Variants in SND1 observed in about 807,000 individuals in gnomAD.
SND1 encodes the protein staphylococcal nuclease domain-containing protein 1.
A neutral mutation model predicts 121.7 loss-of-function variants in SND1; 38 were observed. The observed-to-expected ratio is 0.31, with a 90% CI of 0.24 to 0.41. SND1 has a LOEUF of 0.41. Ranked by LOEUF, SND1 falls within the 10% of genes least tolerant of loss-of-function variation. The probability of loss-of-function intolerance (pLI) is 1.00; values close to 1 mark genes in which losing one functional copy is unlikely to be tolerated. For synonymous variants in SND1, 401 were observed against 447.4 expected (o/e 0.90, Z 1.31); for missense variants, 868 against 1,184.6 (o/e 0.73, Z 3.92).
intron 16 of SND1, among the ~76,000 whole-genome samples, chr7:128,014,504 C>G (rs921983640): frequency 6.6e-6 from 1 of 152,210 alleles, no homozygotes; most frequent in Non-Finnish European, 1.5e-5. Flanking sequence ...ACTTGTCCCC[C>G]GAACAGTCCA....
chr7:127,861,438 C>T (rs1156476911), intron 12 of SND1, among the ~76,000 whole-genome samples: 1 of 152,074 alleles, frequency 6.6e-6, no homozygotes, highest in African/African-American at 2.4e-5. Flanking sequence ...AAGGGATGCT[C>T]TCTGCCCGTC....
At chr7:127,816,688 G>A (rs1464552016) in intron 11 of SND1, among the ~76,000 whole-genome samples, 2 of 134,124 alleles carry the variant, frequency 1.5e-5, no homozygotes, top group Non-Finnish European at 3.1e-5. Context: ...TTTTGTAACA[G>A]TGTCTCGCTC....
intron 15 of SND1, among the ~76,000 whole-genome samples, chr7:127,972,795 G>T (rs561920772): frequency 2.0e-5 from 3 of 152,124 alleles, no homozygotes; most frequent in Admixed American, 2.0e-4. Flanking sequence ...GGCCAAGCTG[G>T]TCTCGAACTC....
chr7:127,902,857 G>T lies in SND1; in HGVS notation c.1455-1890G>T, dbSNP rs553443592. On this transcript the variant is annotated intron_variant, in intron 13 of 23. Transcript: ENST00000354725. Reference sequence around the variant, plus strand: ...GCCTCCCAAGTAGCTAGGATTACAGGTGTGTGCCACCACACCTGGCTGATT... The same window carrying T: ...GCCTCCCAAGTAGCTAGGATTACAGTTGTGTGCCACCACACCTGGCTGATT... Among the ~76,000 whole-genome samples the T allele has an allele frequency of 4.0e-5, 6 of 151,846 alleles. No homozygotes were observed. The East Asian group carries it at 1.2e-3, about 29-fold the overall frequency.
intron 11 of SND1, among the ~76,000 whole-genome samples, chr7:127,820,205 C>T (rs1398394520): frequency 6.6e-6 from 1 of 152,120 alleles, no homozygotes; most frequent in Non-Finnish European, 1.5e-5. Flanking sequence ...TGTGTGGTTC[C>T]CAATGGTTTT....
intron 10 of SND1, among the ~76,000 whole-genome samples, chr7:127,787,760 T>A (rs1797838091): frequency 6.6e-6 from 1 of 152,184 alleles, no homozygotes. Flanking sequence ...AACTGTAGAT[T>A]TATTATCTTT....
intron 12 of SND1, among the ~76,000 whole-genome samples, chr7:127,844,702 T>G (rs1452819451): frequency 2.0e-5 from 3 of 152,208 alleles, no homozygotes; most frequent in Non-Finnish European, 2.9e-5. Flanking sequence ...ATAATGCCAT[T>G]TATTGAGTAT....
intron 13 of SND1, among the ~76,000 whole-genome samples, chr7:127,896,231 A>G (rs1019170749): frequency 4.0e-5 from 6 of 151,596 alleles, no homozygotes; most frequent in African/African-American, 1.2e-4. Flanking sequence ...CCACTTGTCT[A>G]TTTTCTTCCG....
intron 1 of SND1, among the ~76,000 whole-genome samples, chr7:127,678,366 C>T (rs1303409574): frequency 6.6e-6 from 1 of 152,156 alleles, no homozygotes; most frequent in Non-Finnish European, 1.5e-5. Context: ...GATTTAAACT[C>T]CGTATATGTA....
chr7:127,707,766 AGTGTGTGTGTGTGTGTGTGTGT>A (rs35627839), intron 9 of SND1, 119 bp downstream of exon 9: 11 of 408,974 alleles, frequency 2.7e-5, no homozygotes, highest in South Asian at 3.3e-5. Flanking sequence ...AGCCAGTAGG[AGTGTGTGTGTGTGTGTGTGTGT>A]GTGTGTGTGT....
intron 12 of SND1, among the ~76,000 whole-genome samples, chr7:127,852,352 G>A (rs1799180384): frequency 6.6e-6 from 1 of 150,734 alleles, no homozygotes; most frequent in Admixed American, 6.6e-5. Flanking sequence ...AAATTAGCAG[G>A]GTGTGGGCAC....
chr7:127,930,876 G>A (rs73455714), intron 15 of SND1, among the ~76,000 whole-genome samples: 2,915 of 152,242 alleles, frequency 0.019, 76 homozygotes, highest in African/African-American at 0.058. Context: ...TAGGAGGATT[G>A]TGACAACCTG....
intron 14 of SND1, among the ~76,000 whole-genome samples, chr7:127,927,775 T>C (rs369311284): frequency 1.1e-4 from 17 of 152,366 alleles, no homozygotes; most frequent in African/African-American, 4.1e-4. Context: ...CTGAAAACTC[T>C]TGAAATACTT....
chr7:127,998,035 C>A (rs776435776), intron 16 of SND1: 2 of 518,630 alleles, frequency 3.9e-6, no homozygotes, highest in Non-Finnish European at 4.0e-6. Flanking sequence ...AGCTTGTAAG[C>A]TCCTCACAGA....
chr7:127,699,105 C>G, intron 4 of SND1, 152 bp downstream of exon 4: 1 of 644,918 alleles, frequency 1.6e-6, no homozygotes, highest in East Asian at 2.8e-5. Context: ...GCTAGGAAGT[C>G]ACTCAGCATT....
intron 14 of SND1, among the ~76,000 whole-genome samples, chr7:127,907,186 GT>G (rs898726842): frequency 1.4e-4 from 21 of 152,300 alleles, no homozygotes; most frequent in African/African-American, 4.3e-4. Context: ...TAAGAGTGCA[GT>G]TTTTTTGGTG....
At position 127,944,219 on chromosome 7, in the gene SND1, G is replaced by T. The variant is rs148926782; in HGVS notation, c.1669+14890G>T. ...TGTTGCTGCTCTCTGCAGCCAGCGTGTCTCTAACCTAAGTAATGTCTACTT... is the reference window on the plus strand; with the variant it reads ...TGTTGCTGCTCTCTGCAGCCAGCGTTTCTCTAACCTAAGTAATGTCTACTT... On this transcript the variant is annotated intron_variant, in intron 15 of 23. Transcript: ENST00000354725. 1.7e-3 allele frequency among the ~76,000 whole-genome samples: 256 copies of T among 152,334 alleles called. 1 individual carries two copies. The highest frequency in any genetic ancestry group is 5.9e-3 in the African/African-American group (246 of 41,574).
At chr7:128,077,260 A>G (rs948249638) in intron 17 of SND1, among the ~76,000 whole-genome samples, 1 of 152,248 alleles carries the variant, frequency 6.6e-6, no homozygotes, top group South Asian at 2.1e-4. Flanking sequence ...TTCTCTGTCC[A>G]CAGTCCTCAT....
chr7:127,773,479 A>G (rs904502585), intron 10 of SND1, among the ~76,000 whole-genome samples: 2 of 152,004 alleles, frequency 1.3e-5, no homozygotes, highest in Non-Finnish European at 2.9e-5. Context: ...CTTATTAATG[A>G]GAAGGAGTCA....
Sources: gnomAD v4.1 joint callset for allele counts (sites outside exome capture counted in the v4.1 genomes callset) on GRCh38, gnomAD v4.1.1 for gene constraint, MANE v1.5 for transcripts, NCBI Gene and HGNC (gene_info 2026-07-23, HGNC 2026-07-21) for gene names.